Variants in IL1RAPL2 observed in about 807,000 individuals in gnomAD.
IL1RAPL2 encodes the protein interleukin 1 receptor accessory protein like 2.
A neutral mutation model predicts 44.1 loss-of-function variants in IL1RAPL2; 3 were observed. The ratio of observed to expected loss-of-function variants is 0.07; its 90% CI spans 0.03 to 0.18. The LOEUF is 0.18. Ranked by LOEUF, IL1RAPL2 falls within the 10% of genes least tolerant of loss-of-function variation. The probability of loss-of-function intolerance (pLI) is 1.00; values close to 1 mark genes in which losing one functional copy is unlikely to be tolerated. For missense variants in IL1RAPL2, 391 were observed against 496.4 expected (o/e 0.79, Z 2.02); for synonymous variants, 181 against 178.8 (o/e 1.01, Z -0.10).
chrX:104,995,141 T>A (rs2030726194), intron 2 of IL1RAPL2, among the ~76,000 whole-genome samples: 1 of 111,797 alleles, frequency 8.9e-6, no homozygotes, highest in African/African-American at 3.2e-5. Flanking sequence ...TTCTTCTTCA[T>A]AGCCCTTATA....
rs1556140601 is a variant in IL1RAPL2, at chrX:105,195,661, C to A, written c.269C>A (p.Ser90Ter). Residue 90 changes from serine (S) to a stop codon, truncating the protein, a stop_gained, in exon 3 of 11, where the codon TCA becomes TAA. Coordinates refer to ENST00000372582, the MANE Select transcript of IL1RAPL2 (RefSeq NM_017416.2). LOFTEE classifies it high-confidence loss of function. ...GATTTGGAAGAGCCCATCATCTTTT[C>A]AGAGGTCAGGATGAGCAAAGAGGAA... ...KGDLEEPIIF[S>*]EVRMSKEEDS... The A allele has an allele frequency of 8.3e-7, 1 of 1,211,343 alleles. No individual in the cohort carries two copies. Among genetic ancestry groups the A allele is most frequent in the Non-Finnish European group, 1.1e-6 (1 of 894,997 alleles).
At chrX:104,956,308 G>A (rs2147713485) in intron 2 of IL1RAPL2, among the ~76,000 whole-genome samples, 1 of 111,748 alleles carries the variant, frequency 8.9e-6, no homozygotes, top group African/African-American at 3.3e-5. Flanking sequence ...CCTTCTCTGG[G>A]CCTCAATTTC....
chrX:105,348,964 TA>T (rs1215027382), intron 5 of IL1RAPL2, among the ~76,000 whole-genome samples: 8 of 112,016 alleles, frequency 7.1e-5, no homozygotes, highest in Non-Finnish European at 1.5e-4. Flanking sequence ...ATTCAAGATT[TA>T]AGACTGTGAG....
chrX:105,753,488 G>A (rs1449555152), intron 9 of IL1RAPL2, among the ~76,000 whole-genome samples: 1 of 111,416 alleles, frequency 9.0e-6, no homozygotes, highest in African/African-American at 3.3e-5. Flanking sequence ...ATCATCGGCA[G>A]CCCTGAGTCC....
At chrX:104,681,125 GC>G (rs958420968) in intron 2 of IL1RAPL2, among the ~76,000 whole-genome samples, 2 of 111,836 alleles carry the variant, frequency 1.8e-5, no homozygotes, top group Admixed American at 9.5e-5. Context: ...TCATATGAAA[GC>G]TTTTAAATTG....
intron 6 of IL1RAPL2, among the ~76,000 whole-genome samples, chrX:105,644,037 G>A (rs1414013897): frequency 1.8e-5 from 2 of 110,919 alleles, no homozygotes; most frequent in African/African-American, 6.6e-5. Flanking sequence ...GACTACAGGG[G>A]CGTGCCATCA....
chrX:105,529,218 T>C (rs186538744), intron 6 of IL1RAPL2, among the ~76,000 whole-genome samples: 1 of 111,743 alleles, frequency 8.9e-6, no homozygotes, highest in African/African-American at 3.2e-5. Flanking sequence ...ACATGATTTC[T>C]GTTTTTTCCT....
At chrX:105,136,429 G>A (rs2033077259) in intron 2 of IL1RAPL2, among the ~76,000 whole-genome samples, 1 of 112,316 alleles carries the variant, frequency 8.9e-6, no homozygotes, top group Non-Finnish European at 1.9e-5. Context: ...ACGTGTAAAT[G>A]TGATCATATT....
chrX:104,619,478 T>C (rs1423106421), intron 1 of IL1RAPL2, among the ~76,000 whole-genome samples: 1 of 111,939 alleles, frequency 8.9e-6, no homozygotes, highest in Non-Finnish European at 1.9e-5. Context: ...ACTCACTTAA[T>C]AGCTAAATGC....
intron 2 of IL1RAPL2, among the ~76,000 whole-genome samples, chrX:104,730,105 T>A (rs1931873348): frequency 9.0e-6 from 1 of 111,300 alleles, no homozygotes; most frequent in Non-Finnish European, 1.9e-5. Context: ...TGAAGATATA[T>A]ATTTTAAACA....
At chrX:104,712,510 C>A (rs1175591771) in intron 2 of IL1RAPL2, among the ~76,000 whole-genome samples, 2 of 110,319 alleles carry the variant, frequency 1.8e-5, no homozygotes, top group Non-Finnish European at 3.8e-5. Context: ...ACTCCCTGAT[C>A]CTCTATATAT....
At chrX:105,722,343 A>T (rs1166774320) in intron 7 of IL1RAPL2, among the ~76,000 whole-genome samples, 1 of 111,710 alleles carries the variant, frequency 9.0e-6, no homozygotes, top group Admixed American at 9.5e-5. Flanking sequence ...GTGATCCATG[A>T]TCTATTTGGA....
At chrX:105,715,619 TCTC>T (rs897670875) in intron 6 of IL1RAPL2, among the ~76,000 whole-genome samples, 5 of 111,190 alleles carry the variant, frequency 4.5e-5, no homozygotes, top group Non-Finnish European at 9.4e-5. Context: ...AAATTGAAGA[TCTC>T]CTGGAGATAT....
chrX:104,950,586 A>C (rs1451425872), intron 2 of IL1RAPL2, among the ~76,000 whole-genome samples: 2 of 112,619 alleles, frequency 1.8e-5, no homozygotes, highest in Non-Finnish European at 3.8e-5. Context: ...GCCGCCTTGC[A>C]GTTTGATCTC....
In IL1RAPL2 at chrX:105,226,385, C is replaced by CTTTT. The variant is rs35192051; in HGVS notation, c.357-7406_357-7403dup. 7.5e-4 allele frequency among the ~76,000 whole-genome samples: 40 copies of CTTTT among 53,336 alleles called. 1 individual carries two copies. Among genetic ancestry groups the CTTTT allele is most frequent in the African/African-American group, 1.2e-3 (13 of 10,498 alleles). 46.3% of individuals were successfully genotyped at this position (53,336 alleles called of 115,157 possible). ...GACCCTTTGCCATTCTTTCTTTTCC[C>CTTTT]TTTTTTTTTTTTTTTTTTTTTTTTT... On this transcript the variant is annotated intron_variant, in intron 3 of 10. Transcript: ENST00000372582.
At chrX:104,951,747 A>G (rs1308721258) in intron 2 of IL1RAPL2, among the ~76,000 whole-genome samples, 1 of 112,306 alleles carries the variant, frequency 8.9e-6, no homozygotes, top group Non-Finnish European at 1.9e-5. Flanking sequence ...AATTTCTTCA[A>G]CTGCGTAGTT....
intron 2 of IL1RAPL2, among the ~76,000 whole-genome samples, chrX:105,143,245 C>G (rs2033143199): frequency 9.0e-6 from 1 of 111,227 alleles, no homozygotes; most frequent in Non-Finnish European, 1.9e-5. Flanking sequence ...AACAAATTCA[C>G]AAGAAAAAAA....
chrX:105,508,098 G>A (rs1194557086), intron 6 of IL1RAPL2, among the ~76,000 whole-genome samples: 3 of 111,452 alleles, frequency 2.7e-5, no homozygotes, highest in Non-Finnish European at 5.7e-5. Context: ...GCCTAAAAGA[G>A]CAACTGACCC....
chrX:104,992,152 A>G (rs775309408), intron 2 of IL1RAPL2, among the ~76,000 whole-genome samples: 2 of 111,538 alleles, frequency 1.8e-5, no homozygotes, highest in East Asian at 5.7e-4. Context: ...GGACCAGATC[A>G]TGAATGGCCT....
Sources: allele counts gnomAD v4.1 joint callset (sites outside exome capture counted in the v4.1 genomes callset), GRCh38; gene constraint gnomAD v4.1.1; transcripts MANE v1.5; gene names NCBI Gene and HGNC (gene_info 2026-07-23, HGNC 2026-07-21).